Variants in RANBP2 observed in about 807,000 individuals in gnomAD.
The protein encoded by RANBP2 is E3 SUMO-protein ligase RanBP2.
Under a neutral mutation model 303.6 loss-of-function variants are expected in RANBP2, and 57 were observed. That is an observed-to-expected ratio of 0.19 (90% CI 0.15 to 0.23). RANBP2 has a LOEUF of 0.23. Ranked by LOEUF, RANBP2 falls within the 10% of genes least tolerant of loss-of-function variation. RANBP2 has a pLI of 1.00. For synonymous variants in RANBP2, 1,167 were observed against 1,301.5 expected, an observed-to-expected ratio of 0.90 and a Z score of 2.23; for missense variants, 3,138 against 3,780.8, an observed-to-expected ratio of 0.83 and a Z score of 4.46.
the RANBP2 span, among the ~76,000 whole-genome samples, chr2:109,145,454 T>C: frequency 0.061 from 9,353 of 152,196 alleles, 764 homozygotes; most frequent in East Asian, 0.34. Context: ...GCCTTCACCA[T>C]TGGTCTGTCT....
At chr2:109,030,748 G>T in the RANBP2 span, among the ~76,000 whole-genome samples, 12 of 151,746 alleles carry the variant, frequency 7.9e-5, no homozygotes, top group Admixed American at 6.6e-4. Flanking sequence ...GACAGTTTTT[G>T]TTGTTGTTGT....
the RANBP2 span, among the ~76,000 whole-genome samples, chr2:109,313,932 C>T: frequency 0.024 from 3,727 of 152,130 alleles, 64 homozygotes; most frequent in Middle Eastern, 0.078. Context: ...TGCAGGGTGC[C>T]GTGTTTGGAC....
chr2:109,678,794 A>G, the RANBP2 span, among the ~76,000 whole-genome samples: 2 of 152,132 alleles, frequency 1.3e-5, no homozygotes, highest in African/African-American at 4.8e-5. Context: ...GAGTGGCTGA[A>G]GAAGAGCTCC....
the RANBP2 span, among the ~76,000 whole-genome samples, chr2:109,454,203 A>G: frequency 6.6e-6 from 1 of 152,210 alleles, no homozygotes; most frequent in Non-Finnish European, 1.5e-5. Flanking sequence ...ACTTACAACA[A>G]TTACAATCCT....
At chr2:108,959,149 G>A in the RANBP2 span, among the ~76,000 whole-genome samples, 223 of 152,358 alleles carry the variant, frequency 1.5e-3, no homozygotes, top group African/African-American at 5.3e-3. Flanking sequence ...CGTGACTAAT[G>A]GAGTGTATAT....
chr2:109,565,940 A>G, the RANBP2 span: 7 of 1,236,246 alleles, frequency 5.7e-6, no homozygotes, highest in Non-Finnish European at 8.3e-6. Flanking sequence ...GAGAGAGAAG[A>G]GAATAATTAA....
At chr2:109,692,315 G>T in the RANBP2 span, among the ~76,000 whole-genome samples, 1 of 151,944 alleles carries the variant, frequency 6.6e-6, no homozygotes, top group Non-Finnish European at 1.5e-5. Flanking sequence ...GGGCGCTGGG[G>T]TTACAGCAGA....
the RANBP2 span, among the ~76,000 whole-genome samples, chr2:109,659,250 G>T: frequency 6.6e-6 from 1 of 151,338 alleles, no homozygotes; most frequent in African/African-American, 2.4e-5. Flanking sequence ...GGTGGTGTGT[G>T]CCTGTAGTCC....
chr2:109,561,453 A>G, the RANBP2 span, among the ~76,000 whole-genome samples: 2 of 152,322 alleles, frequency 1.3e-5, no homozygotes, highest in African/African-American at 4.8e-5. Context: ...CTACAAGAAC[A>G]TAAACTCCAT....
At chr2:109,283,308 C>T in the RANBP2 span, among the ~76,000 whole-genome samples, 1,666 of 152,318 alleles carry the variant, frequency 0.011, 45 homozygotes, top group African/African-American at 0.038. Context: ...ACTTGTGGGC[C>T]TGCTGGACAC....
rs1159887089 is a variant in RANBP2, at chr2:108,766,564, G to A, written c.6025G>A (p.Asp2009Asn). The change falls in exon 20 of 29, where the codon GAT becomes AAT. Residue 2009 changes from aspartate to asparagine, a missense_variant. Asp to Asn is a conservative substitution (Grantham distance 23). Transcript: ENST00000283195. ...TGATGCCTATAAGACTGAGGACAGC[G>A]ATGACATCCATTTTGAACCAGTAGT... ...DDDAYKTEDS[D>N]DIHFEPVVQM... 2.9e-5 allele frequency: 46 copies of A among 1,611,832 alleles called. No individual in the cohort carries two copies. Among genetic ancestry groups the A allele is most frequent in the Non-Finnish European group, 3.6e-5 (43 of 1,179,838 alleles).
At chr2:108,851,848 C>T in the RANBP2 span, among the ~76,000 whole-genome samples, 1 of 152,080 alleles carries the variant, frequency 6.6e-6, no homozygotes, top group African/African-American at 2.4e-5. Flanking sequence ...TATCATAACA[C>T]CACAGATACT....
At chr2:109,312,553 A>T in the RANBP2 span, among the ~76,000 whole-genome samples, 4 of 151,952 alleles carry the variant, frequency 2.6e-5, no homozygotes, top group African/African-American at 9.7e-5. Flanking sequence ...TCCTGGCCCC[A>T]GGCCACCACA....
rs1694043290 is a variant in RANBP2, at chr2:108,719,621, G to A, written c.15G>A (p.Lys5=). 2 of 1,607,040 alleles carry A rather than the reference G, an allele frequency of 1.2e-6. No individual in the cohort carries two copies. Among genetic ancestry groups the A allele is most frequent in the Non-Finnish European group, 1.7e-6 (2 of 1,177,994 alleles). The stretch of plus-strand genomic sequence containing the variant: ...TTGGCGGCGCGATGAGGCGCAGCAA[G>A]GCTGACGTGGAGCGGTACATCGCCT... The part of the protein sequence containing the change: MRRS[K]ADVERYIASV... Residue 5 remains lysine (K), a synonymous_variant, in exon 1 of 29, where the codon AAG becomes AAA. Transcript: ENST00000283195.
the RANBP2 span, among the ~76,000 whole-genome samples, chr2:108,874,379 A>G: frequency 6.6e-6 from 1 of 152,138 alleles, no homozygotes. Flanking sequence ...AACTTGTATA[A>G]CCAGTTACTA....
At chr2:108,736,688 GAAAC>G (rs1200422616) in intron 6 of RANBP2, among the ~76,000 whole-genome samples, 1 of 152,176 alleles carries the variant, frequency 6.6e-6, no homozygotes, top group Admixed American at 6.5e-5. Flanking sequence ...TTTTAGCTGA[GAAAC>G]AAAATAACTC....
the RANBP2 span, among the ~76,000 whole-genome samples, chr2:109,085,232 G>A: frequency 6.6e-6 from 1 of 152,308 alleles, no homozygotes; most frequent in Admixed American, 6.5e-5. Context: ...CATAGCAGGG[G>A]GCACATCAGT....
At chr2:109,411,033 T>C in the RANBP2 span, among the ~76,000 whole-genome samples, 1 of 152,138 alleles carries the variant, frequency 6.6e-6, no homozygotes, top group African/African-American at 2.4e-5. Flanking sequence ...AATTAAGCCA[T>C]TAAAAATCAA....
chr2:108,964,993 A>G, the RANBP2 span, among the ~76,000 whole-genome samples: 2 of 152,190 alleles, frequency 1.3e-5, no homozygotes, highest in Admixed American at 6.5e-5. Context: ...ACTCTCTTCA[A>G]TAGCACAACC....
Sources: allele counts gnomAD v4.1 joint callset (sites outside exome capture counted in the v4.1 genomes callset), GRCh38; gene constraint gnomAD v4.1.1; transcripts MANE v1.5; gene names NCBI Gene and HGNC (gene_info 2026-07-23, HGNC 2026-07-21).